Variants in FNBP1 observed in about 807,000 individuals in gnomAD.
FNBP1 encodes the protein formin-binding protein 1.
Under a neutral mutation model 90.6 loss-of-function variants are expected in FNBP1, and 26 were observed. The ratio of observed to expected loss-of-function variants is 0.29; its 90% CI spans 0.21 to 0.40. The LOEUF (loss-of-function observed/expected upper bound fraction) is 0.40, where lower values mean the gene tolerates loss of function less well. Among genes scored for constraint, FNBP1 ranks in the 10% least tolerant of loss-of-function variants. The probability of loss-of-function intolerance (pLI) is 1.00; values close to 1 mark genes in which losing one functional copy is unlikely to be tolerated. For missense variants in FNBP1, 635 were observed against 768.0 expected (o/e 0.83, Z 2.05); for synonymous variants, 260 against 265.2 (o/e 0.98, Z 0.19).
chr9:130,052,179 T>G, the FNBP1 span, among the ~76,000 whole-genome samples: 3 of 152,148 alleles, frequency 2.0e-5, no homozygotes, highest in Non-Finnish European at 2.9e-5. Context: ...AATTCCAAAA[T>G]AATGACTGGC....
In FNBP1 at chr9:129,888,067, A is replaced by G. The variant is rs184227561; in HGVS notation, c.*2472T>C. ...GGTTCAACATTTAAGAGCACTCGCT[A>G]TAACATTCTTTTTGGACGCAGGTGG... On this transcript the variant is annotated 3_prime_UTR_variant, in exon 17 of 17. Transcript: ENST00000446176. 136 of 232,806 alleles carry G rather than the reference A, an allele frequency of 5.8e-4. No individual in the cohort carries two copies. Among genetic ancestry groups the G allele is most frequent in the African/African-American group, 2.8e-3 (125 of 45,436 alleles). 14.4% of individuals were successfully genotyped at this position (232,806 alleles called of 1,614,324 possible).
chr9:129,942,580 T>G (rs146927902), intron 6 of FNBP1, among the ~76,000 whole-genome samples: 13 of 152,332 alleles, frequency 8.5e-5, no homozygotes, highest in African/African-American at 3.1e-4. Flanking sequence ...AGCTGAATGG[T>G]AAACTGGCAA....
chr9:130,018,962 C>T (rs1009135478), intron 1 of FNBP1, among the ~76,000 whole-genome samples: 9 of 152,186 alleles, frequency 5.9e-5, no homozygotes, highest in Non-Finnish European at 7.4e-5. Flanking sequence ...CAGAGACTCA[C>T]GCCTGTAATC....
At chr9:129,965,817 G>GAGGGAGGA (rs1564454210) in intron 4 of FNBP1, among the ~76,000 whole-genome samples, 2 of 99,444 alleles carry the variant, frequency 2.0e-5, no homozygotes, top group African/African-American at 8.2e-5. Context: ...GGGAGGGAGG[G>GAGGGAGGA]AGGAAGGAAG....
intron 11 of FNBP1, among the ~76,000 whole-genome samples, chr9:129,912,800 T>C (rs1292133844): frequency 6.6e-6 from 1 of 152,016 alleles, no homozygotes; most frequent in Non-Finnish European, 1.5e-5. Flanking sequence ...CTTTCTACAG[T>C]GATGGCAATG....
chr9:129,968,068 T>A (rs539280278), intron 4 of FNBP1, among the ~76,000 whole-genome samples: 2 of 152,050 alleles, frequency 1.3e-5, no homozygotes, highest in East Asian at 3.9e-4. Context: ...CCACTTTTAA[T>A]GAACAGAATG....
rs758119597 is a variant in FNBP1, at chr9:129,900,324, T to C, written c.1550+102A>G. On this transcript the variant is annotated intron_variant, in intron 14 of 16. Transcript: ENST00000446176. The surrounding 1 kb of genome is among the most constrained non-coding windows in gnomAD (Gnocchi z 4.1). ...GTCAATCGCAACAGACATTTTGGCATTGAACAAGTGCCTTATGGTCATTCC... is the reference window on the plus strand; with the variant it reads ...GTCAATCGCAACAGACATTTTGGCACTGAACAAGTGCCTTATGGTCATTCC... The C allele has an allele frequency of 1.5e-6, 2 of 1,291,146 alleles. No individual in the cohort carries two copies. Among genetic ancestry groups the C allele is most frequent in the Non-Finnish European group, 2.1e-6 (2 of 970,194 alleles). 80.0% of individuals were successfully genotyped at this position (1,291,146 alleles called of 1,614,324 possible). A position where few individuals can be genotyped will look rare whatever the true frequency, so the allele number is the denominator to read the frequency against.
intron 4 of FNBP1, among the ~76,000 whole-genome samples, chr9:129,974,237 C>T (rs1424644382): frequency 1.3e-5 from 2 of 152,170 alleles, no homozygotes; most frequent in African/African-American, 2.4e-5. Flanking sequence ...CCTACAAACA[C>T]GCACTGCCCC....
chr9:129,899,728 G>A (rs948643760), intron 15 of FNBP1, among the ~76,000 whole-genome samples: 1 of 134,788 alleles, frequency 7.4e-6, no homozygotes, highest in African/African-American at 2.7e-5. Flanking sequence ...GACCCTGTAT[G>A]AAAAAAAGGA....
intron 4 of FNBP1, among the ~76,000 whole-genome samples, chr9:129,963,701 G>C (rs918870857): frequency 4.1e-5 from 6 of 144,868 alleles, no homozygotes; most frequent in Non-Finnish European, 8.9e-5. Flanking sequence ...TGCAACTTCC[G>C]CCTCCTGGGT....
intron 1 of FNBP1, among the ~76,000 whole-genome samples, chr9:129,998,845 T>C (rs2054407896): frequency 6.6e-6 from 1 of 152,226 alleles, no homozygotes; most frequent in South Asian, 2.1e-4. Context: ...GTTATCTCTA[T>C]TCAGGACCAT....
At chr9:129,911,237 C>A (rs1208972375) in intron 11 of FNBP1, among the ~76,000 whole-genome samples, 1 of 152,172 alleles carries the variant, frequency 6.6e-6, no homozygotes, top group Non-Finnish European at 1.5e-5. Flanking sequence ...CTGACCTCCA[C>A]GTGCCCTTCT....
chr9:129,977,971 A>G (rs1313152192), intron 4 of FNBP1, among the ~76,000 whole-genome samples: 1 of 151,986 alleles, frequency 6.6e-6, no homozygotes, highest in East Asian at 1.9e-4. Flanking sequence ...TTGACATTTT[A>G]CGTAGAGACC....
chr9:129,973,626 A>G (rs1211929443), intron 4 of FNBP1, among the ~76,000 whole-genome samples: 2 of 148,266 alleles, frequency 1.3e-5, no homozygotes, highest in African/African-American at 2.5e-5. Flanking sequence ...TCAGCCTCCC[A>G]AGTAGCTGGG....
intron 12 of FNBP1, 59 bp downstream of exon 12, chr9:129,908,831 G>A (rs2038677010): frequency 3.6e-6 from 4 of 1,120,358 alleles, no homozygotes; most frequent in East Asian, 5.0e-5. Flanking sequence ...GGGATTACAG[G>A]TTGTGAGCCA....
chr9:129,934,617 G>T (rs1474861379), intron 6 of FNBP1, among the ~76,000 whole-genome samples: 1 of 151,702 alleles, frequency 6.6e-6, no homozygotes, highest in Non-Finnish European at 1.5e-5. Context: ...TGTCGCCCAG[G>T]CTGGAGTGCA....
chr9:130,044,073 C>T (rs889938353), upstream of FNBP1, among the ~76,000 whole-genome samples: 1 of 152,198 alleles, frequency 6.6e-6, no homozygotes, highest in South Asian at 2.1e-4. Context: ...AGCAGACGGA[C>T]TCCCTCTCTA....
intron 2 of FNBP1, among the ~76,000 whole-genome samples, chr9:129,987,249 G>A (rs2052420711): frequency 1.3e-5 from 2 of 151,956 alleles, no homozygotes; most frequent in Admixed American, 6.6e-5. Context: ...TCTAACGAGG[G>A]GGAGAATATT....
intron 2 of FNBP1, among the ~76,000 whole-genome samples, chr9:129,984,482 C>T (rs1220055212): frequency 6.6e-6 from 1 of 152,140 alleles, no homozygotes; most frequent in Non-Finnish European, 1.5e-5. Context: ...GGAATAGTGA[C>T]AGAAAAATTC....
Sources: gnomAD v4.1 joint callset for allele counts (sites outside exome capture counted in the v4.1 genomes callset) on GRCh38, gnomAD v4.1.1 for gene constraint, Gnocchi (gnomAD v3.1) non-coding constraint, MANE v1.5 for transcripts, NCBI Gene and HGNC (gene_info 2026-07-23, HGNC 2026-07-21) for gene names.